PRKCH: variants seen among roughly 807,000 people sequenced by gnomAD.
The protein encoded by PRKCH is protein kinase C eta type.
Under a neutral mutation model 82.5 loss-of-function variants are expected in PRKCH, and 28 were observed. The observed-to-expected ratio is 0.34, with a 90% confidence interval of 0.25 to 0.47. The LOEUF (loss-of-function observed/expected upper bound fraction) is 0.47. Among genes scored for constraint, PRKCH ranks in the 20% least tolerant of loss-of-function variants. PRKCH has a pLI of 1.00. For missense variants in PRKCH, 705 were observed against 881.8 expected, an observed-to-expected ratio of 0.80 and a Z score of 2.54; for synonymous variants, 322 against 327.4, an observed-to-expected ratio of 0.98 and a Z score of 0.18.
At chr14:61,248,790 A>C (rs201746745) in intron 1 of PRKCH, among the ~76,000 whole-genome samples, 1 of 55,474 alleles carries the variant, frequency 1.8e-5, no homozygotes, top group Admixed American at 2.2e-4. Flanking sequence ...GTATGTATGT[A>C]TGTATGTATG....
intron 4 of PRKCH, 114 bp downstream of exon 4, chr14:61,445,840 A>AT: frequency 8.9e-7 from 1 of 1,124,550 alleles, no homozygotes; most frequent in South Asian, 1.3e-5. Context: ...AACTCTCTGT[A>AT]GGTCAAAGGA....
At chr14:61,188,599 G>GTC (rs2044384283) in intron 1 of PRKCH, among the ~76,000 whole-genome samples, 1 of 63,304 alleles carries the variant, frequency 1.6e-5, no homozygotes, top group Admixed American at 1.9e-4. Flanking sequence ...CGGGGGGGTG[G>GTC]GGGGGTGGTG....
At chr14:61,465,322 C>T (rs1426907016) in intron 9 of PRKCH, among the ~76,000 whole-genome samples, 1 of 152,150 alleles carries the variant, frequency 6.6e-6, no homozygotes, top group Non-Finnish European at 1.5e-5. Flanking sequence ...AGATTTCTTC[C>T]CCTAAGTCAT....
intron 1 of PRKCH, among the ~76,000 whole-genome samples, chr14:61,208,728 A>C (rs1400022025): frequency 6.6e-6 from 1 of 152,232 alleles, no homozygotes; most frequent in Non-Finnish European, 1.5e-5. Context: ...TAAAGTAAAC[A>C]ATAATCTTAA....
At chr14:61,423,043 A>G (rs1183301404) in intron 2 of PRKCH, among the ~76,000 whole-genome samples, 1 of 152,206 alleles carries the variant, frequency 6.6e-6, no homozygotes, top group African/African-American at 2.4e-5. Context: ...AAGTTGCCCA[A>G]ATTTACGTGT....
chr14:61,189,583 C>T (rs2044394252), intron 1 of PRKCH, among the ~76,000 whole-genome samples: 1 of 151,912 alleles, frequency 6.6e-6, no homozygotes, highest in South Asian at 2.1e-4. Context: ...ATTTTCCTCT[C>T]CCCTCCGTCC....
At chr14:61,451,017 A>G (rs995742136) in intron 6 of PRKCH, 46 bp downstream of exon 6, 15 of 1,600,750 alleles carry the variant, frequency 9.4e-6, no homozygotes, top group Non-Finnish European at 1.3e-5. Flanking sequence ...TGGGAACACT[A>G]TGCCCTAAGC....
In PRKCH at chr14:61,457,210, G is replaced by C. The variant is rs1339460336; in HGVS notation, c.995G>C (p.Gly332Ala). Residue 332 changes from glycine (G) to alanine (A), a missense_variant, in exon 8 of 14, where the codon GGA becomes GCA. Around this residue, in one of 5 missense-constraint regions of PRKCH, gnomAD observed 238 missense variants for 258.1 expected, o/e 0.92. Coordinates refer to ENST00000332981, the MANE Select transcript of PRKCH (RefSeq NM_006255.5). Reference protein sequence around the residue: ...LVSRSTLRRQGKESSKEGNGI... With the variant: ...LVSRSTLRRQAKESSKEGNGI... ...TCCAGATCGACCCTAAGACGACAGG[G>C]AAAGGAGAGCAGCAAAGAAGGAAAT... 1 of 1,614,068 alleles carries C rather than the reference G, an allele frequency of 6.2e-7. No homozygotes were observed. Among genetic ancestry groups the C allele is most frequent in the Non-Finnish European group, 8.5e-7 (1 of 1,180,038 alleles).
At chr14:61,402,235 G>A (rs1241335288) in intron 2 of PRKCH, among the ~76,000 whole-genome samples, 1 of 152,090 alleles carries the variant, frequency 6.6e-6, no homozygotes, top group Non-Finnish European at 1.5e-5. Context: ...ATCATTTATG[G>A]GTCAAGGATC....
Position 61,280,842 on chromosome 14 carries a change from C to G in PRKCH, c.-19+93174C>G. On this transcript the variant is annotated intron_variant, in intron 1 of 3. Coordinates refer to the PRKCH transcript ENST00000555185. This position sits in a 1 kb window ranked among gnomAD's most constrained non-coding sequence, Gnocchi z 5.0. The stretch of plus-strand genomic sequence containing the variant: ...AGAGGTACACTGGGCCCTGGAAGAG[C>G]TCGGGCAGCGAGAAGTACCAGGCGC... 6.4e-7 allele frequency: 1 copy of G among 1,565,492 alleles called. No individual in the cohort carries two copies. The highest frequency in any genetic ancestry group is 8.6e-7 in the Non-Finnish European group (1 of 1,163,956).
chr14:61,353,259 C>G (rs184528402), intron 1 of PRKCH, among the ~76,000 whole-genome samples: 32 of 152,242 alleles, frequency 2.1e-4, no homozygotes, highest in African/African-American at 7.5e-4. Flanking sequence ...GGGGGACTTT[C>G]ATTTCCCAAG....
intron 1 of PRKCH, among the ~76,000 whole-genome samples, chr14:61,219,204 G>A (rs1044881128): frequency 3.3e-5 from 5 of 152,196 alleles, no homozygotes; most frequent in African/African-American, 7.2e-5. Context: ...GACCTCTGGA[G>A]GAGTGAAGTA....
At chr14:61,371,895 C>T (rs143108119) in intron 1 of PRKCH, among the ~76,000 whole-genome samples, 53 of 151,894 alleles carry the variant, frequency 3.5e-4, no homozygotes, top group African/African-American at 1.1e-3. Context: ...CTATTCTCCC[C>T]CATTTATTTA....
intron 2 of PRKCH, among the ~76,000 whole-genome samples, chr14:61,416,053 C>CTTTTTTTTTTTTTT (rs71117815): frequency 9.6e-5 from 9 of 94,186 alleles, no homozygotes; most frequent in African/African-American, 1.7e-4. Context: ...CTTTTCTTTT[C>CTTTTTTTTTTTTTT]TTTTTTTTTT....
chr14:61,402,834 C>G (rs1343628092), intron 2 of PRKCH, among the ~76,000 whole-genome samples: 3 of 144,122 alleles, frequency 2.1e-5, no homozygotes, highest in African/African-American at 5.0e-5. Context: ...AAGAATCTAG[C>G]TGTCTTTTTT....
chr14:61,440,473 T>TAAC (rs1883903866), intron 2 of PRKCH, among the ~76,000 whole-genome samples: 4 of 152,200 alleles, frequency 2.6e-5, no homozygotes, highest in Non-Finnish European at 5.9e-5. Flanking sequence ...CTGAAGATGT[T>TAAC]GGTGTCTTGG....
intron 9 of PRKCH, 36 bp downstream of exon 9, chr14:61,457,715 CTT>C (rs747728886): frequency 6.2e-7 from 1 of 1,606,792 alleles, no homozygotes; most frequent in African/African-American, 1.3e-5. Flanking sequence ...CCAACAGCCT[CTT>C]TTCTTACAGA....
chr14:61,315,750 TGGA>T (rs1228102606), intron 1 of PRKCH, among the ~76,000 whole-genome samples: 1 of 99,940 alleles, frequency 1.0e-5, no homozygotes, highest in Non-Finnish European at 1.9e-5. Context: ...TGTTATTTAC[TGGA>T]TTTTTTTTTT....
At chr14:61,473,893 T>G (rs945314803) in intron 9 of PRKCH, among the ~76,000 whole-genome samples, 44 of 151,960 alleles carry the variant, frequency 2.9e-4, no homozygotes, top group African/African-American at 9.9e-4. Flanking sequence ...CTCAGGAGGT[T>G]GAGGCAGGGA....
Sources: gnomAD v4.1 joint callset for allele counts (sites outside exome capture counted in the v4.1 genomes callset) on GRCh38, gnomAD v4.1.1 for gene constraint, gnomAD v4.1.1 regional missense constraint, Gnocchi (gnomAD v3.1) non-coding constraint, MANE v1.5 for transcripts, NCBI Gene and HGNC (gene_info 2026-07-23, HGNC 2026-07-21) for gene names.